Variants in FNDC3A observed in about 807,000 individuals in gnomAD.
FNDC3A encodes the protein fibronectin type-III domain-containing protein 3A.
FNDC3A carries 32 observed loss-of-function variants against 148.9 expected under a neutral mutation model. The observed-to-expected ratio is 0.21, with a 90% CI of 0.16 to 0.29. The LOEUF (loss-of-function observed/expected upper bound fraction) is 0.29. FNDC3A is among the 10% of genes least tolerant of loss of function. FNDC3A has a pLI of 1.00. For synonymous variants in FNDC3A, 472 were observed against 473.6 expected (o/e 1.00, Z 0.04); for missense variants, 1,191 against 1,452.8 (o/e 0.82, Z 2.93).
intron 3 of FNDC3A, among the ~76,000 whole-genome samples, chr13:49,096,304 AG>A (rs756573242): frequency 6.0e-4 from 91 of 152,232 alleles, no homozygotes; most frequent in Non-Finnish European, 9.6e-4. Flanking sequence ...GAGTAGAGTT[AG>A]CATTGGATTC....
intron 6 of FNDC3A, among the ~76,000 whole-genome samples, chr13:49,138,017 G>A (rs565251967): frequency 1.3e-5 from 2 of 152,204 alleles, no homozygotes; most frequent in East Asian, 3.9e-4. Context: ...TATCTAAATT[G>A]ATATTTACTA....
intron 2 of FNDC3A, among the ~76,000 whole-genome samples, chr13:49,007,429 G>A (rs896814499): frequency 2.0e-5 from 3 of 152,094 alleles, no homozygotes; most frequent in Admixed American, 6.6e-5. Context: ...AAAAATAGTA[G>A]ATGTGGCAGG....
chr13:48,997,121 A>G (rs1214863815), intron 1 of FNDC3A, among the ~76,000 whole-genome samples: 3 of 151,810 alleles, frequency 2.0e-5, no homozygotes, highest in African/African-American at 7.3e-5. Context: ...TATTTTTCCT[A>G]TCAGTACTTC....
At chr13:49,041,369 A>G (rs1375579528) in intron 2 of FNDC3A, among the ~76,000 whole-genome samples, 1 of 152,140 alleles carries the variant, frequency 6.6e-6, no homozygotes, top group Non-Finnish European at 1.5e-5. Flanking sequence ...AGTTTTGTCT[A>G]TTTTGTTTAC....
intron 1 of FNDC3A, among the ~76,000 whole-genome samples, chr13:48,978,816 C>T (rs1419840750): frequency 6.6e-6 from 1 of 152,020 alleles, no homozygotes; most frequent in East Asian, 1.9e-4. Flanking sequence ...AAATATGGCT[C>T]CCATATGTGT....
chr13:49,113,384 C>T (rs1227314837), intron 3 of FNDC3A, among the ~76,000 whole-genome samples: 1 of 151,926 alleles, frequency 6.6e-6, no homozygotes, highest in East Asian at 1.9e-4. Flanking sequence ...CTAGCTCTCT[C>T]ATCTCCCTAG....
intron 3 of FNDC3A, among the ~76,000 whole-genome samples, chr13:49,078,498 A>G (rs1186441423): frequency 6.6e-6 from 1 of 152,204 alleles, no homozygotes; most frequent in African/African-American, 2.4e-5. Context: ...TAGAGGTTTT[A>G]AAAACACAGG....
intron 2 of FNDC3A, among the ~76,000 whole-genome samples, chr13:49,061,227 A>G (rs962482923): frequency 4.0e-5 from 6 of 151,562 alleles, no homozygotes; most frequent in African/African-American, 1.5e-4. Flanking sequence ...CCACTCTCCC[A>G]GCCTCCTAAG....
intron 8 of FNDC3A, among the ~76,000 whole-genome samples, chr13:49,161,051 G>A (rs143870446): frequency 6.6e-6 from 1 of 152,228 alleles, no homozygotes; most frequent in African/African-American, 2.4e-5. Flanking sequence ...TATGTGGTCA[G>A]TTTTGGAATA....
chr13:49,038,220 G>A (rs1406842033), intron 2 of FNDC3A, among the ~76,000 whole-genome samples: 1 of 152,282 alleles, frequency 6.6e-6, no homozygotes, highest in East Asian at 1.9e-4. Context: ...AGGATAGGGG[G>A]TGCGGTGGGT....
At chr13:49,179,104 A>G (rs1279692769) in intron 14 of FNDC3A, among the ~76,000 whole-genome samples, 3 of 152,182 alleles carry the variant, frequency 2.0e-5, no homozygotes, top group Admixed American at 6.5e-5. Context: ...GACCTTTTCT[A>G]GTGAGCTTTT....
intron 8 of FNDC3A, among the ~76,000 whole-genome samples, chr13:49,161,659 C>A (rs888339149): frequency 6.6e-6 from 1 of 152,112 alleles, no homozygotes; most frequent in Non-Finnish European, 1.5e-5. Flanking sequence ...TGATGTTAGC[C>A]GGTTATTTTG....
intron 2 of FNDC3A, among the ~76,000 whole-genome samples, chr13:49,065,505 A>G (rs1199253625): frequency 6.6e-6 from 1 of 152,214 alleles, no homozygotes; most frequent in Non-Finnish European, 1.5e-5. Flanking sequence ...CATCTGCAAG[A>G]GGATGGGTTC....
chr13:49,097,820 C>T (rs564855500), intron 3 of FNDC3A, among the ~76,000 whole-genome samples: 2 of 151,968 alleles, frequency 1.3e-5, no homozygotes, highest in Admixed American at 6.6e-5. Context: ...TTTTGATGCC[C>T]GAAAAGACTA....
At chr13:49,158,410 G>A (rs1336940634) in intron 8 of FNDC3A, among the ~76,000 whole-genome samples, 2 of 152,142 alleles carry the variant, frequency 1.3e-5, no homozygotes, top group Non-Finnish European at 2.9e-5. Context: ...ACTGACCTGC[G>A]CCCACTGTCT....
intron 2 of FNDC3A, among the ~76,000 whole-genome samples, chr13:49,072,103 C>A (rs1312607187): frequency 6.6e-6 from 1 of 152,046 alleles, no homozygotes; most frequent in Non-Finnish European, 1.5e-5. Context: ...GACCATGGTC[C>A]TTTAGTATTT....
chr13:49,198,947 T>C (rs1886291847), intron 23 of FNDC3A, among the ~76,000 whole-genome samples: 1 of 152,180 alleles, frequency 6.6e-6, no homozygotes, highest in Non-Finnish European at 1.5e-5. Context: ...GTAATCCATT[T>C]ACTGTTTTCA....
In FNDC3A at chr13:49,198,537, A is replaced by C; in HGVS notation, c.2950A>C (p.Ile984Leu). 1.2e-6 allele frequency: 2 copies of C among 1,614,184 alleles called. No individual in the cohort carries two copies. The highest frequency in any genetic ancestry group is 1.7e-6 in the Non-Finnish European group (2 of 1,179,986). ...GTPKTLSTDS[I>L]QYHLQMEDKN... is the part of the protein sequence containing the mutation. ...TCCAAAGACATTGTCAACCGATTCTATTCAGTACCACCTTCAGATGGAGGA... is the reference window on the plus strand; with the variant it reads ...TCCAAAGACATTGTCAACCGATTCTCTTCAGTACCACCTTCAGATGGAGGA... Residue 984 changes from isoleucine (I) to leucine (L), a missense_variant, in exon 23 of 26, where the codon ATT (isoleucine) becomes CTT (leucine). Coordinates refer to ENST00000492622, the MANE Select transcript of FNDC3A (RefSeq NM_001079673.2).
intron 14 of FNDC3A, among the ~76,000 whole-genome samples, chr13:49,184,257 T>C (rs1430150421): frequency 6.6e-6 from 1 of 152,264 alleles, no homozygotes; most frequent in East Asian, 1.9e-4. Context: ...GATTTTATTT[T>C]GAGTAAGATG....
Sources: gnomAD v4.1 joint callset for allele counts (sites outside exome capture counted in the v4.1 genomes callset) on GRCh38, gnomAD v4.1.1 for gene constraint, MANE v1.5 for transcripts, NCBI Gene and HGNC (gene_info 2026-07-23, HGNC 2026-07-21) for gene names.